MDC1: variants seen among roughly 807,000 people sequenced by gnomAD.
MDC1 encodes mediator of DNA damage checkpoint 1.
A neutral mutation model predicts 142.5 loss-of-function variants in MDC1; 81 were observed. The ratio of observed to expected loss-of-function variants is 0.57; its 90% CI spans 0.47 to 0.68. The LOEUF (loss-of-function observed/expected upper bound fraction) is 0.68, where lower values mean the gene tolerates loss of function less well. MDC1 is among the 30% of genes least tolerant of loss of function. MDC1 has a pLI of 0.00. For synonymous variants in MDC1, 797 were observed against 968.4 expected (o/e 0.82, Z 3.29); for missense variants, 2,119 against 2,547.9 (o/e 0.83, Z 3.62).
rs1381925800 is a variant in MDC1 at position 30,708,041 on chromosome 6, CA to C, written c.2537del (p.Val846GlyfsTer7). On this transcript the variant is annotated frameshift_variant, in exon 8 of 15. Transcript: ENST00000376406. LOFTEE classifies it high-confidence loss of function. ...CCTTGGTTAATTCTTCCTCTCCTGT[CA>C]CATCTGTCTGTCTTTCTGGTAGCAG... ...EKLLPERQTD[V>X]TGEEELTKGK... 1 of 1,613,068 alleles carries C rather than the reference CA, an allele frequency of 6.2e-7. No homozygotes were observed.
In MDC1 at chr6:30,709,597, C is replaced by T. The variant is rs1291929376; in HGVS notation, c.2222-1240G>A. On this transcript the variant is annotated intron_variant, in intron 7 of 14. Coordinates refer to ENST00000376406, the MANE Select transcript of MDC1 (RefSeq NM_014641.3). This position sits in a 1 kb window ranked among gnomAD's most constrained non-coding sequence, Gnocchi z 4.2. Reference sequence around the variant, plus strand: ...ATAGTAACACTACTGTGGAACTGAACACTAGAACTTATTCATTCAATCTGA... The same window carrying T: ...ATAGTAACACTACTGTGGAACTGAATACTAGAACTTATTCATTCAATCTGA... 2.0e-5 allele frequency among the ~76,000 whole-genome samples: 3 copies of T among 152,174 alleles called. No individual in the cohort carries two copies. Among genetic ancestry groups the T allele is most frequent in the African/African-American group, 7.2e-5 (3 of 41,448 alleles).
rs1435005006 is a variant in MDC1, at chr6:30,707,825, TTCTC to T, written c.2750_2753del (p.Arg917LysfsTer2). On this transcript the variant is annotated frameshift_variant, in exon 8 of 15. Coordinates refer to ENST00000376406, the MANE Select transcript of MDC1 (RefSeq NM_014641.3). LOFTEE classifies it high-confidence loss of function. Reference sequence around the variant, plus strand: ...CTCTGTTTGCTACTGGTCTCTCTACTTCTCTCTCAAATGCTTTGCTTGGAAGGGT... The same window carrying T: ...CTCTGTTTGCTACTGGTCTCTCTACTTCTCAAATGCTTTGCTTGGAAGGGT... The T allele has an allele frequency of 6.2e-7, 1 of 1,613,134 alleles. No homozygotes were observed. The highest frequency in any genetic ancestry group is 8.5e-7 in the Non-Finnish European group (1 of 1,180,050).
Position 30,712,767 on chromosome 6 carries a change from T to C in MDC1, c.1175A>G (p.Glu392Gly). Residue 392 changes from glutamate to glycine, a missense_variant, in exon 5 of 15, where the codon GAG (glutamate) becomes GGG (glycine). Transcript: ENST00000376406. This position sits in a 1 kb window ranked among gnomAD's most constrained non-coding sequence, Gnocchi z 4.7. Reference sequence around the variant, plus strand: ...GATAACCATGGAAGCTTGGCTTTTCTCCAGAGGGACAGCCTGTGGGGCCTT... The same window carrying C: ...GATAACCATGGAAGCTTGGCTTTTCCCCAGAGGGACAGCCTGTGGGGCCTT... ...EGKAPQAVPL[E>G]KSQASMVINS... 6.2e-7 allele frequency: 1 copy of C among 1,613,080 alleles called. No individual in the cohort carries two copies. The highest frequency in any genetic ancestry group is 1.1e-5 in the South Asian group (1 of 91,080).
rs200629873 is a variant in MDC1, at chr6:30,704,720, G to A, written c.4463C>T (p.Thr1488Ile). Residue 1488 changes from threonine (T) to isoleucine (I), a missense_variant, in exon 10 of 15, where the codon ACA (threonine) becomes ATA (isoleucine). Physicochemically the swap from Thr to Ile is moderately conservative, Grantham distance 89 (BLOSUM62 -1). Coordinates refer to ENST00000376406, the MANE Select transcript of MDC1 (RefSeq NM_014641.3). The stretch of plus-strand genomic sequence containing the variant: ...TAGCTCAGGGGCTGTGGGGACAACT[G>A]TTTCAGGAGTCTTGACAGAGGATCT... ...TDRSSVKTPE[T>I]VVPTAPELQA... is the part of the protein sequence containing the mutation. 1.1e-5 allele frequency: 18 copies of A among 1,612,578 alleles called. No individual in the cohort carries two copies. The highest frequency in any genetic ancestry group is 1.4e-5 in the Non-Finnish European group (17 of 1,179,356).
chr6:30,709,658 C>T lies in MDC1; in HGVS notation c.2222-1301G>A, dbSNP rs1774520798. ...GTATTCATTAACCAACCTCTTTATGCATTCTGTCCCTCTACCCTTCCTAGC... is the reference window on the plus strand; with the variant it reads ...GTATTCATTAACCAACCTCTTTATGTATTCTGTCCCTCTACCCTTCCTAGC... On this transcript the variant is annotated intron_variant, in intron 7 of 14. Coordinates refer to ENST00000376406, the MANE Select transcript of MDC1 (RefSeq NM_014641.3). The surrounding 1 kb of genome is among the most constrained non-coding windows in gnomAD (Gnocchi z 4.2). Among the ~76,000 whole-genome samples, 1 of 152,170 alleles carries T rather than the reference C, an allele frequency of 6.6e-6. No homozygotes were observed. The highest frequency in any genetic ancestry group is 2.1e-4 in the South Asian group (1 of 4,832).
Position 30,704,093 on chromosome 6 carries a change from G to A in MDC1, c.5090C>T (p.Thr1697Ile), listed in dbSNP as rs369368632. 1.9e-6 allele frequency: 3 copies of A among 1,614,070 alleles called. No homozygotes were observed. The highest frequency in any genetic ancestry group is 3.3e-5 in the Admixed American group (2 of 59,996). Residue 1697 changes from threonine (T) to isoleucine (I), a missense_variant, in exon 10 of 15, where the codon ACC becomes ATC. Thr to Ile is a moderately conservative substitution (Grantham distance 89). Transcript: ENST00000376406. ...GGTGACAGGAGATTGGAATTCAGGG[G>A]TGGTAGGAACCGGCATAGCTCTTAC... ...STVRAMPVPT[T>I]PEFQSPVTTD...
chr6:30,704,030 G>T lies in MDC1; in HGVS notation c.5153C>A (p.Pro1718His). 1 of 1,614,176 alleles carries T rather than the reference G, an allele frequency of 6.2e-7. No homozygotes were observed. The highest frequency in any genetic ancestry group is 8.5e-7 in the Non-Finnish European group (1 of 1,180,052). ...GGCTCTCTGCCTCTTGATGCAACTG[G>T]GTTGAGTAATAGGCTCAGGGGAAAT... Reference protein sequence around the residue: ...QPISPEPITQPSCIKRQRAAG... With the variant: ...QPISPEPITQHSCIKRQRAAG... Residue 1718 changes from proline (P) to histidine (H), a missense_variant, in exon 10 of 15, where the codon CCC becomes CAC. Transcript: ENST00000376406.
Position 30,704,986 on chromosome 6 carries a change from G to A in MDC1, c.4197C>T (p.Ser1399=), listed in dbSNP as rs1227983618. The change falls in exon 10 of 15, where the codon TCC becomes TCT. Residue 1399 remains serine, a synonymous_variant. Coordinates refer to ENST00000376406, the MANE Select transcript of MDC1 (RefSeq NM_014641.3). ...CAAGTGTTTCAGGGGTCTTGCCAGA[G>A]GATCTATTTTTTCTTCCCCTAGTAG... ...SRATRGRKNR[S]SGKTPETLVP... 2 of 1,608,816 alleles carry A rather than the reference G, an allele frequency of 1.2e-6. No individual in the cohort carries two copies. The highest frequency in any genetic ancestry group is 1.7e-6 in the Non-Finnish European group (2 of 1,177,890).
At position 30,713,151 on chromosome 6, in the gene MDC1, A is replaced by G; in HGVS notation, c.791T>C (p.Leu264Ser). ...TEIQLEKDQP[L>S]VKERDNDTKV... Reference sequence around the variant, plus strand: ...TGTATCATTGTCCCTCTCCTTCACTAAAGGCTGATCCTTTTCAAGCTGGAT... The same window carrying G: ...TGTATCATTGTCCCTCTCCTTCACTGAAGGCTGATCCTTTTCAAGCTGGAT... The change falls in exon 5 of 15, where the codon TTA (leucine) becomes TCA (serine). Residue 264 changes from leucine to serine, a missense_variant. Coordinates refer to ENST00000376406, the MANE Select transcript of MDC1 (RefSeq NM_014641.3). This position sits in a 1 kb window ranked among gnomAD's most constrained non-coding sequence, Gnocchi z 4.9. 1 of 1,612,818 alleles carries G rather than the reference A, an allele frequency of 6.2e-7. No homozygotes were observed. Among genetic ancestry groups the G allele is most frequent in the Non-Finnish European group, 8.5e-7 (1 of 1,179,854 alleles).
In MDC1 at chr6:30,714,091, C is replaced by T. The variant is rs1259378023; in HGVS notation, c.229G>A (p.Glu77Lys). 6.2e-7 allele frequency: 1 copy of T among 1,612,796 alleles called. No homozygotes were observed. The highest frequency in any genetic ancestry group is 1.7e-5 in the Admixed American group (1 of 60,014). The change falls in exon 3 of 15, where the codon GAG (glutamate) becomes AAG (lysine). Residue 77 changes from glutamate to lysine, a missense_variant. Glu to Lys is a moderately conservative substitution (Grantham distance 56). Transcript: ENST00000376406. ...TTGTCCCAGGCTAAGATTTCAATCT[C>T]TGCATGTTGTTTGGAGATAGATGGA... ...PFPSISKQHA[E>K]IEILAWDKAP...
At position 30,704,846 on chromosome 6, in the gene MDC1, T is replaced by G; in HGVS notation, c.4337A>C (p.Glu1446Ala). 6.2e-7 allele frequency: 1 copy of G among 1,607,776 alleles called. No individual in the cohort carries two copies. Among genetic ancestry groups the G allele is most frequent in the Non-Finnish European group, 8.5e-7 (1 of 1,177,352 alleles). The change falls in exon 10 of 15, where the codon GAA (glutamate) becomes GCA (alanine). Residue 1446 changes from glutamate to alanine, a missense_variant. Glu to Ala is a moderately radical substitution (Grantham distance 107). Transcript: ENST00000376406. ...CTCAGGGGCTGTGGGGACAACTGTT[T>G]CAGGGGTCTTCACAGAGGACCTATT... ...RTNRSSVKTP[E>A]TVVPTAPELQ...
chr6:30,708,497 G>C, intron 7 of MDC1, 140 bp from the exon 8 acceptor site: 2 of 681,628 alleles, frequency 2.9e-6, no homozygotes, highest in Non-Finnish European at 4.9e-6. Context: ...AATCTGAACA[G>C]GTTATTAAAG....
chr6:30,705,977 G>A lies in MDC1; in HGVS notation c.3206C>T (p.Pro1069Leu). Reference protein sequence around the residue: ...KHLAPPPLLSPLLPSIKPTVR... With the variant: ...KHLAPPPLLSLLLPSIKPTVR... ...GGTTGGCTTGATAGAAGGTAAAAGGGGAGAAAGAAGGGGCGGAGGTGCAAG... is the reference window on the plus strand; with the variant it reads ...GGTTGGCTTGATAGAAGGTAAAAGGAGAGAAAGAAGGGGCGGAGGTGCAAG... Residue 1069 changes from proline to leucine, a missense_variant, in exon 10 of 15, where the codon CCC becomes CTC. Transcript: ENST00000376406. The A allele has an allele frequency of 6.2e-7, 1 of 1,613,664 alleles. No homozygotes were observed. The highest frequency in any genetic ancestry group is 8.5e-7 in the Non-Finnish European group (1 of 1,179,978).
In MDC1 at chr6:30,703,566, T is replaced by C. The variant is rs1030041558; in HGVS notation, c.5563-29A>G. On this transcript the variant is annotated intron_variant, in intron 10 of 14. Transcript: ENST00000376406. The surrounding 1 kb of genome is among the most constrained non-coding windows in gnomAD (Gnocchi z 4.4). ...AGATTGAGAAAAATCTTGGTGGGAG[T>C]TTCAGAGCCCTGAAGTCATTTTTCC... is the stretch of plus-strand genomic sequence containing the variant. 1.9e-6 allele frequency: 3 copies of C among 1,612,540 alleles called. No homozygotes were observed. The highest frequency in any genetic ancestry group is 2.5e-6 in the Non-Finnish European group (3 of 1,179,950).
In MDC1 at chr6:30,700,571, A is replaced by G; in HGVS notation, c.6164T>C (p.Val2055Ala). The G allele has an allele frequency of 6.2e-7, 1 of 1,612,928 alleles. No individual in the cohort carries two copies. Among genetic ancestry groups the G allele is most frequent in the Non-Finnish European group, 8.5e-7 (1 of 1,179,998 alleles). ...CTCAGGCGAGAGGAGGGGCAGCCCA[A>G]CCCGTAGTGGAATGGAGCAATGAGG... ...DFPHCSIPLR[V>A]GLPLLSPEFL... is the part of the protein sequence containing the mutation. Residue 2055 changes from valine to alanine, a missense_variant, in exon 15 of 15, where the codon GTT becomes GCT. Val to Ala is a moderately conservative substitution (Grantham distance 64). Coordinates refer to ENST00000376406, the MANE Select transcript of MDC1 (RefSeq NM_014641.3).
Position 30,704,258 on chromosome 6 carries a change from G to T in MDC1, c.4925C>A (p.Thr1642Lys). The part of the protein sequence containing the change: ...KLTSRATRRK[T>K]NRSSVKTPKP... ...GGGAGTCTTGACAGAGGACCTATTT[G>T]TCTTTCTCCTAGTGGCCCTAGATGT... The change falls in exon 10 of 15, where the codon ACA (threonine) becomes AAA (lysine). Residue 1642 changes from threonine (T) to lysine (K), a missense_variant. Coordinates refer to ENST00000376406, the MANE Select transcript of MDC1 (RefSeq NM_014641.3). 6.2e-7 allele frequency: 1 copy of T among 1,613,412 alleles called. No homozygotes were observed. Among genetic ancestry groups the T allele is most frequent in the Non-Finnish European group, 8.5e-7 (1 of 1,179,718 alleles).
chr6:30,703,274 C>T lies in MDC1; in HGVS notation c.5695G>A (p.Gly1899Arg). Residue 1899 changes from glycine to arginine, a missense_variant, in exon 12 of 15, where the codon GGA becomes AGA. By Grantham distance (125) the Gly-to-Arg change is moderately radical (BLOSUM62 -2). Coordinates refer to ENST00000376406, the MANE Select transcript of MDC1 (RefSeq NM_014641.3). The surrounding 1 kb of genome is among the most constrained non-coding windows in gnomAD (Gnocchi z 4.4). ...CGCTCTCCCCGAGCATCCACCACTC[C>T]TGTGAAGAGCACCTGTGGAAGGGTT... The part of the protein sequence containing the change: ...ESTAPKVLFT[G>R]VVDARGERAV... 1.2e-6 allele frequency: 2 copies of T among 1,612,032 alleles called. No individual in the cohort carries two copies. Among genetic ancestry groups the T allele is most frequent in the Non-Finnish European group, 1.7e-6 (2 of 1,179,224 alleles).
In MDC1 at chr6:30,705,574, C is replaced by G. The variant is rs149535951; in HGVS notation, c.3609G>C (p.Val1203=). The stretch of plus-strand genomic sequence containing the variant: ...AAGGCTGGAGCTCAAGGGCTGTGGG[C>G]ACAACTGTTTCAGGGGTCTTGACAG... ...RSSVKTPETV[V]PTALELQPST... Residue 1203 remains valine, a synonymous_variant, in exon 10 of 15, where the codon GTG becomes GTC. Coordinates refer to ENST00000376406, the MANE Select transcript of MDC1 (RefSeq NM_014641.3). The G allele has an allele frequency of 5.0e-3, 7,896 of 1,570,242 alleles. 146 individuals are homozygous for G. Among genetic ancestry groups the G allele is most frequent in the Middle Eastern group, 0.038 (217 of 5,752 alleles).
chr6:30,710,335 C>T (rs1774646290), intron 7 of MDC1, among the ~76,000 whole-genome samples: 1 of 151,798 alleles, frequency 6.6e-6, no homozygotes, highest in Non-Finnish European at 1.5e-5. Context: ...GTGATCCACC[C>T]ACTTCGGCTT....
Sources: allele counts gnomAD v4.1 joint callset (sites outside exome capture counted in the v4.1 genomes callset), GRCh38; gene constraint gnomAD v4.1.1; non-coding constraint Gnocchi (gnomAD v3.1); transcripts MANE v1.5; gene names NCBI Gene and HGNC (gene_info 2026-07-23, HGNC 2026-07-21).